FLOT2: variants seen among roughly 807,000 people sequenced by gnomAD.
FLOT2 encodes the protein flotillin-2.
FLOT2 carries 35 observed loss-of-function variants against 54.9 expected under a neutral mutation model. The observed-to-expected ratio is 0.64, with a 90% CI of 0.49 to 0.84. FLOT2 has a LOEUF of 0.84. Ranked by LOEUF, FLOT2 falls within the 40% of genes least tolerant of loss-of-function variation. FLOT2 has a pLI of 0.00. For missense variants in FLOT2, 464 were observed against 572.1 expected (o/e 0.81, Z 1.93); for synonymous variants, 207 against 228.9 (o/e 0.90, Z 0.86).
At chr17:28,885,831 G>A (rs547490514) in intron 2 of FLOT2, 9 of 1,447,354 alleles carry the variant, frequency 6.2e-6, no homozygotes, top group Admixed American at 5.9e-5. Context: ...GGTTAGACAC[G>A]GAGGAGGAAG....
chr17:28,892,492 G>GAA (rs2039669458), intron 1 of FLOT2: 1 of 148,788 alleles, frequency 6.7e-6, no homozygotes. Context: ...ACAGGCGCCT[G>GAA]CCACCATGCC....
chr17:28,888,641 T>A (rs528632146), intron 2 of FLOT2, among the ~76,000 whole-genome samples: 1 of 152,316 alleles, frequency 6.6e-6, no homozygotes, highest in Non-Finnish European at 1.5e-5. Flanking sequence ...ATCAAGATTC[T>A]GCCTGGGTTA....
chr17:28,884,153 C>A lies in FLOT2; in HGVS notation c.222+72G>T. On this transcript the variant is annotated intron_variant, in intron 3 of 10. Transcript: ENST00000394908. The surrounding 1 kb of genome is among the most constrained non-coding windows in gnomAD (Gnocchi z 5.1). ...GACTGCCCCTGGCTGCTGTCCTCTC[C>A]TCCTCCCCCCGAACCCGAGTACGGG... 11 of 1,152,732 alleles carry A rather than the reference C, an allele frequency of 9.5e-6. No individual in the cohort carries two copies. Among genetic ancestry groups the A allele is most frequent in the Non-Finnish European group, 1.4e-5 (11 of 763,164 alleles). 71.4% of individuals were successfully genotyped at this position (1,152,732 alleles called of 1,614,324 possible).
Position 28,881,960 on chromosome 17 carries a change from C to T in FLOT2, c.768G>A (p.Glu256=), listed in dbSNP as rs1270366526. 1 of 1,614,154 alleles carries T rather than the reference C, an allele frequency of 6.2e-7. No homozygotes were observed. Among genetic ancestry groups the T allele is most frequent in the South Asian group, 1.1e-5 (1 of 91,088 alleles). The change falls in exon 8 of 11, where the codon GAG becomes GAA. Residue 256 remains glutamate (E), a synonymous_variant. Coordinates refer to ENST00000394908, the MANE Select transcript of FLOT2 (RefSeq NM_004475.3). Reference sequence around the variant, plus strand: ...TGCGCTGCACAACCTCAATCTCAATCTCTTCCTGCCGGATCTTCTGCTGTT... The same window carrying T: ...TGCGCTGCACAACCTCAATCTCAATTTCTTCCTGCCGGATCTTCTGCTGTT... ...AREQQKIRQE[E]IEIEVVQRKK...
intron 1 of FLOT2, among the ~76,000 whole-genome samples, chr17:28,891,329 G>A (rs1282831178): frequency 6.6e-6 from 1 of 152,220 alleles, no homozygotes; most frequent in Non-Finnish European, 1.5e-5. Context: ...AGGGAATAAG[G>A]CAAGTGGAGG....
Position 28,881,995 on chromosome 17 carries a change from C to T in FLOT2, c.733G>A (p.Gly245Arg). The T allele has an allele frequency of 6.2e-7, 1 of 1,614,154 alleles. No individual in the cohort carries two copies. The highest frequency in any genetic ancestry group is 8.5e-7 in the Non-Finnish European group (1 of 1,180,040). The change falls in exon 8 of 11, where the codon GGG becomes AGG. Residue 245 changes from glycine (G) to arginine (R), a missense_variant. Coordinates refer to ENST00000394908, the MANE Select transcript of FLOT2 (RefSeq NM_004475.3). The stretch of plus-strand genomic sequence containing the variant: ...CGGATCTTCTGCTGTTCACGGGCCC[C>T]CTGCAGCTCATAGGCCAACTGGGCC... ...AEAQLAYELQ[G>R]AREQQKIRQE...
rs1430859667 is a variant in FLOT2, at chr17:28,881,904, A to G, written c.824T>C (p.Ile275Thr). ...GATGAGCTCCTTGTCCGTACGCAGG[A>G]TCTCCTGTGCCTCCACGGCAATCTG... ...KKQIAVEAQEILRTDKELIAT... is the reference protein window; with the variant it reads ...KKQIAVEAQETLRTDKELIAT... Residue 275 changes from isoleucine to threonine, a missense_variant, in exon 8 of 11, where the codon ATC becomes ACC. Transcript: ENST00000394908. 1 of 1,613,838 alleles carries G rather than the reference A, an allele frequency of 6.2e-7. No homozygotes were observed. Among genetic ancestry groups the G allele is most frequent in the South Asian group, 1.1e-5 (1 of 91,082 alleles).
chr17:28,885,790 C>T (rs1369020212), intron 2 of FLOT2: 1 of 1,091,870 alleles, frequency 9.2e-7, no homozygotes, highest in Non-Finnish European at 1.4e-6. Flanking sequence ...CGGCTCCTGT[C>T]TGCCAGGCCC....
intron 2 of FLOT2, among the ~76,000 whole-genome samples, chr17:28,885,303 G>T (rs2152647583): frequency 6.6e-6 from 1 of 152,202 alleles, no homozygotes; most frequent in East Asian, 1.9e-4. Context: ...TTTTGCCTAA[G>T]CAGAGGCTGA....
chr17:28,885,673 A>G, intron 2 of FLOT2: 1 of 717,790 alleles, frequency 1.4e-6, no homozygotes, highest in Non-Finnish European at 2.6e-6. Flanking sequence ...TCCAATAGGC[A>G]AGGGCAAGGG....
chr17:28,888,556 C>T (rs958316597), intron 2 of FLOT2, among the ~76,000 whole-genome samples: 2 of 152,186 alleles, frequency 1.3e-5, no homozygotes, highest in African/African-American at 4.8e-5. Flanking sequence ...TCCAGCCTTT[C>T]CTCCCTTCAT....
At chr17:28,892,310 T>C (rs1025060974) in intron 1 of FLOT2, among the ~76,000 whole-genome samples, 2 of 126,894 alleles carry the variant, frequency 1.6e-5, no homozygotes, top group East Asian at 2.2e-4. Flanking sequence ...GTGGTGGGGG[T>C]AGGATGTGGG....
At position 28,882,841 on chromosome 17, in the gene FLOT2, G is replaced by A. The variant is rs562957330; in HGVS notation, c.347-150C>T. 27 of 667,850 alleles carry A rather than the reference G, an allele frequency of 4.0e-5. No homozygotes were observed. The highest frequency in any genetic ancestry group is 2.6e-4 in the East Asian group (10 of 38,792). The allele number at this position is 667,850 out of a possible 1,614,324, so 41.4% of individuals were successfully genotyped here. ...TATCTTCTCAACAGCACTTAACACC[G>A]AGCTTCCTGCTGCACAGTCCAGGCT... On this transcript the variant is annotated intron_variant, in intron 4 of 10. Transcript: ENST00000394908. This position sits in a 1 kb window ranked among gnomAD's most constrained non-coding sequence, Gnocchi z 5.6.
rs866333069 is a variant in FLOT2 at position 28,883,966 on chromosome 17, A to G, written c.222+259T>C. 1.4e-4 allele frequency among the ~76,000 whole-genome samples: 21 copies of G among 151,996 alleles called. 1 individual carries two copies. In the Middle Eastern group the frequency reaches 0.01, roughly 74 times the overall value. ...ATGGGGGTGGGGTTAGTGAGCCAGG[A>G]GCCCTCAGCACTGGTTCTGTCCCTC... On this transcript the variant is annotated intron_variant, in intron 3 of 10. Coordinates refer to ENST00000394908, the MANE Select transcript of FLOT2 (RefSeq NM_004475.3). This position sits in a 1 kb window ranked among gnomAD's most constrained non-coding sequence, Gnocchi z 5.0.
At chr17:28,889,930 G>A (rs2039617175) in intron 1 of FLOT2, among the ~76,000 whole-genome samples, 2 of 152,150 alleles carry the variant, frequency 1.3e-5, no homozygotes, top group South Asian at 4.1e-4. Flanking sequence ...GAGCCACCAC[G>A]CCTGGTCCAG....
rs915645440 is a variant in FLOT2, at chr17:28,879,499, C to T, written c.*1062G>A. The T allele has an allele frequency of 4.1e-6, 4 of 986,230 alleles. No individual in the cohort carries two copies. The African/African-American group carries it at 7.0e-5, about 17-fold the overall frequency. The allele number at this position is 986,230 out of a possible 1,614,324, so 61.1% of individuals were successfully genotyped here. A position where few individuals can be genotyped will look rare whatever the true frequency, so the allele number is the denominator to read the frequency against. ...TGGGACCACTGGACATTCACAGCAC[C>T]CCTGCCAAGACGCTTGGGTCCTGGG... On this transcript the variant is annotated 3_prime_UTR_variant, in exon 11 of 11. Transcript: ENST00000394908.
chr17:28,888,607 A>G (rs2039588455), intron 2 of FLOT2, among the ~76,000 whole-genome samples: 1 of 152,162 alleles, frequency 6.6e-6, no homozygotes, highest in Non-Finnish European at 1.5e-5. Context: ...GACTTCTTAA[A>G]TAACTTTGAG....
chr17:28,880,773 G>C lies in FLOT2; in HGVS notation c.1188C>G (p.Asn396Lys). The C allele has an allele frequency of 6.2e-7, 1 of 1,614,202 alleles. No individual in the cohort carries two copies. The highest frequency in any genetic ancestry group is 8.5e-7 in the Non-Finnish European group (1 of 1,180,038). The change falls in exon 10 of 11, where the codon AAC (asparagine) becomes AAG (lysine). Residue 396 changes from asparagine to lysine, a missense_variant. By Grantham distance (94) the Asn-to-Lys change is moderately conservative. Coordinates refer to ENST00000394908, the MANE Select transcript of FLOT2 (RefSeq NM_004475.3). The part of the protein sequence containing the change: ...GDNSKVTSEV[N>K]RLLAELPASV... ...AGGCAGGCAGCTCGGCCAGCAGTCG[G>C]TTCACTTCTGATGTGACCTTACTGT... is the stretch of plus-strand genomic sequence containing the variant.
At position 28,881,908 on chromosome 17, in the gene FLOT2, C is replaced by T; in HGVS notation, c.820G>A (p.Glu274Lys). The stretch of plus-strand genomic sequence containing the variant: ...AGCTCCTTGTCCGTACGCAGGATCT[C>T]CTGTGCCTCCACGGCAATCTGTTTC... ...RKKQIAVEAQ[E>K]ILRTDKELIA... Residue 274 changes from glutamate to lysine, a missense_variant, in exon 8 of 11, where the codon GAG (glutamate) becomes AAG (lysine). Physicochemically the swap from Glu to Lys is moderately conservative, Grantham distance 56. Coordinates refer to ENST00000394908, the MANE Select transcript of FLOT2 (RefSeq NM_004475.3). The T allele has an allele frequency of 6.2e-7, 1 of 1,613,938 alleles. No individual in the cohort carries two copies. Among genetic ancestry groups the T allele is most frequent in the Non-Finnish European group, 8.5e-7 (1 of 1,180,044 alleles).
Sources: allele counts gnomAD v4.1 joint callset (sites outside exome capture counted in the v4.1 genomes callset), GRCh38; gene constraint gnomAD v4.1.1; non-coding constraint Gnocchi (gnomAD v3.1); transcripts MANE v1.5; gene names NCBI Gene and HGNC (gene_info 2026-07-23, HGNC 2026-07-21).